The following CFAP99 variants were observed in gnomAD, a reference collection of about 807,000 sequenced individuals.
The protein encoded by CFAP99 is cilia- and flagella-associated protein 99.
A neutral mutation model predicts 82.7 loss-of-function variants in CFAP99; 84 were observed. The observed-to-expected ratio is 1.02, with a 90% confidence interval of 0.85 to 1.22. CFAP99 has a LOEUF of 1.22. Ranked by LOEUF, CFAP99 falls within the 50% of genes most tolerant of loss-of-function variation. The probability of loss-of-function intolerance (pLI) is 0.00; values close to 1 mark genes in which losing one functional copy is unlikely to be tolerated. For missense variants in CFAP99, 1,059 were observed against 983.5 expected, an observed-to-expected ratio of 1.08 and a Z score of -1.03; for synonymous variants, 456 against 429.5, an observed-to-expected ratio of 1.06 and a Z score of -0.76.
Position 2,462,795 on chromosome 4 carries a change from T to A in CFAP99, c.2014T>A (p.Phe672Ile). The stretch of plus-strand genomic sequence containing the variant: ...GGGCGTCCCTGCCCGCGCCGACGCG[T>A]TCCCCGGCCTGCAGGCGCAGCTAGA... The change falls in exon 15 of 15, where the codon TTC (phenylalanine) becomes ATC (isoleucine). Residue 672 changes from phenylalanine (F) to isoleucine (I), a missense_variant. Coordinates refer to ENST00000635017, the Ensembl canonical transcript of CFAP99. This position sits in a 1 kb window ranked among gnomAD's most constrained non-coding sequence, Gnocchi z 4.1. The A allele has an allele frequency of 7.7e-7, 1 of 1,297,590 alleles. No homozygotes were observed. Among genetic ancestry groups the A allele is most frequent in the Non-Finnish European group, 9.7e-7 (1 of 1,026,044 alleles). 80.4% of individuals were successfully genotyped at this position (1,297,590 alleles called of 1,614,324 possible).
chr4:2,439,784 A>G (rs948104958), intron 4 of CFAP99, among the ~76,000 whole-genome samples: 1 of 152,070 alleles, frequency 6.6e-6, no homozygotes, highest in African/African-American at 2.4e-5. Flanking sequence ...AACCCCAGAA[A>G]CCAGAAACCA....
chr4:2,458,210 G>T (rs1277912717), intron 11 of CFAP99, among the ~76,000 whole-genome samples: 1 of 152,162 alleles, frequency 6.6e-6, no homozygotes, highest in African/African-American at 2.4e-5. Flanking sequence ...GGGAATCTTG[G>T]TATTTTTTGG....
chr4:2,442,179 G>A lies in CFAP99; in HGVS notation c.352-951G>A, dbSNP rs151017865. Among the ~76,000 whole-genome samples, 1,017 of 152,254 alleles carry A rather than the reference G, an allele frequency of 6.7e-3. 13 individuals are homozygous for A. The highest frequency in any genetic ancestry group is 0.026 in the South Asian group (125 of 4,822). On this transcript the variant is annotated intron_variant, in intron 4 of 14. Transcript: ENST00000635017. ...TTGGAGATGGAGGGATTGGGTGGGG[G>A]CAGGGACCAGTGCTGAGTCTGTCCC...
At chr4:2,443,204 A>G (rs1203814) in exon 5 of CFAP99, 281,039 of 1,534,690 alleles carry the variant, frequency 0.18, 28,281 homozygotes, top group African/African-American at 0.32. Context: ...TCTACGAGCC[A>G]GCCCACGTGA....
rs552198113 is a variant in CFAP99, at chr4:2,449,265, C to T, written c.643-405C>T. ...CCCGACAGCTTACTTTGCAGGGGTC[C>T]GTGATATTCTCCCAGCCTCTCCTGC... On this transcript the variant is annotated intron_variant, in intron 6 of 14. Transcript: ENST00000635017. 8.5e-5 allele frequency among the ~76,000 whole-genome samples: 13 copies of T among 152,182 alleles called. No homozygotes were observed. In the East Asian group the frequency reaches 9.7e-4, roughly 11 times the overall value.
Position 2,426,561 on chromosome 4 carries a change from T to C in CFAP99, c.86T>C (p.Leu29Pro), listed in dbSNP as rs1449709096. ...AAGAGGGACAACCCTGAGCAGTTCC[T>C]GGAGGCTGCGGCCACCTCCCTGCAG... is the stretch of plus-strand genomic sequence containing the variant. The change falls in exon 2 of 15, where the codon CTG (leucine) becomes CCG (proline). Residue 29 changes from leucine (L) to proline (P), a missense_variant. Physicochemically the swap from Leu to Pro is moderately conservative, Grantham distance 98. Transcript: ENST00000635017. 3 of 1,535,834 alleles carry C rather than the reference T, an allele frequency of 2.0e-6. No individual in the cohort carries two copies. The East Asian group carries it at 7.3e-5, about 38-fold the overall frequency.
chr4:2,450,931 G>T lies in CFAP99; in HGVS notation c.796-16G>T. On this transcript the variant is annotated splice_polypyrimidine_tract_variant and intron_variant, in intron 8 of 14. Coordinates refer to ENST00000635017, the Ensembl canonical transcript of CFAP99. ...GCACAGGTGCCAGGCGGCCAGCTCT[G>T]CCCTGACTCCTGCAGGGCTCCAAGC... 1 of 1,535,768 alleles carries T rather than the reference G, an allele frequency of 6.5e-7. No homozygotes were observed. The highest frequency in any genetic ancestry group is 8.7e-7 in the Non-Finnish European group (1 of 1,146,644).
chr4:2,451,598 C>T (rs1734302857), intron 10 of CFAP99, among the ~76,000 whole-genome samples: 1 of 152,140 alleles, frequency 6.6e-6, no homozygotes, highest in African/African-American at 2.4e-5. Context: ...AAAGGCCCAA[C>T]CCACACCAAA....
chr4:2,459,096 T>C lies in CFAP99; in HGVS notation c.1304-11T>C. 1 of 1,503,198 alleles carries C rather than the reference T, an allele frequency of 6.7e-7. No homozygotes were observed. Among genetic ancestry groups the C allele is most frequent in the Non-Finnish European group, 8.9e-7 (1 of 1,128,796 alleles). 93.1% of individuals were successfully genotyped at this position (1,503,198 alleles called of 1,614,324 possible). A position where few individuals can be genotyped will look rare whatever the true frequency, so the allele number is the denominator to read the frequency against. On this transcript the variant is annotated splice_polypyrimidine_tract_variant and intron_variant, in intron 12 of 14. Transcript: ENST00000635017. Reference sequence around the variant, plus strand: ...CCACCAGCCACCTCAGCTCCTGGCTTGGCCCCCAAGTTCAGGAGGCGATCG... The same window carrying C: ...CCACCAGCCACCTCAGCTCCTGGCTCGGCCCCCAAGTTCAGGAGGCGATCG...
intron 6 of CFAP99, among the ~76,000 whole-genome samples, chr4:2,447,609 G>A (rs1004968711): frequency 1.3e-5 from 2 of 149,992 alleles, no homozygotes; most frequent in African/African-American, 2.5e-5. Context: ...ACATGGGTGA[G>A]TAGATGAATG....
intron 11 of CFAP99, among the ~76,000 whole-genome samples, chr4:2,453,673 T>G (rs1429393226): frequency 2.0e-5 from 3 of 152,168 alleles, no homozygotes; most frequent in African/African-American, 7.2e-5. Context: ...TTTGTGTCTA[T>G]TTCTGTGAAC....
intron 1 of CFAP99, among the ~76,000 whole-genome samples, chr4:2,423,818 CG>C (rs1345022661): frequency 6.6e-6 from 1 of 151,714 alleles, no homozygotes; most frequent in Non-Finnish European, 1.5e-5. Context: ...TCCCTTGCCC[CG>C]AATCATCAGG....
At chr4:2,450,802 T>C in intron 8 of CFAP99, 145 bp from the exon 9 acceptor site, 1 of 659,582 alleles carries the variant, frequency 1.5e-6, no homozygotes, top group East Asian at 2.8e-5. Context: ...CCTGGCGTGG[T>C]GGTAGGGATG....
At chr4:2,432,450 G>A (rs1733818222) in intron 2 of CFAP99, among the ~76,000 whole-genome samples, 1 of 152,242 alleles carries the variant, frequency 6.6e-6, no homozygotes, top group South Asian at 2.1e-4. Flanking sequence ...GTGCGGCCCT[G>A]CAGCCTCCGT....
chr4:2,433,942 G>A (rs553924082), intron 2 of CFAP99, among the ~76,000 whole-genome samples: 2 of 152,344 alleles, frequency 1.3e-5, no homozygotes, highest in African/African-American at 2.4e-5. Flanking sequence ...GAGGAAGGAC[G>A]CCTGACCCGA....
chr4:2,422,648 T>G (rs7692263), intron 1 of CFAP99, among the ~76,000 whole-genome samples: 1 of 151,940 alleles, frequency 6.6e-6, no homozygotes, highest in Non-Finnish European at 1.5e-5. Context: ...GGGGCCCTTT[T>G]CCTGGGTGTA....
At chr4:2,426,540 G>A in exon 2 of CFAP99, 1 of 1,536,028 alleles carries the variant, frequency 6.5e-7, no homozygotes, top group South Asian at 1.2e-5. Flanking sequence ...ACACCCAAGA[G>A]GGACAACCCT....
At chr4:2,441,402 A>G (rs1734035474) in intron 4 of CFAP99, among the ~76,000 whole-genome samples, 1 of 151,902 alleles carries the variant, frequency 6.6e-6, no homozygotes, top group Non-Finnish European at 1.5e-5. Context: ...TTGTTGAACA[A>G]AGATCCATGT....
Position 2,432,479 on chromosome 4 carries a change from T to C in CFAP99, c.112-4395T>C, listed in dbSNP as rs73074387. ...CCTCCGTTTCCTTTGCCTACTTTTCTAACTGACTTCAGGCTTTGCATTACT... is the reference window on the plus strand; with the variant it reads ...CCTCCGTTTCCTTTGCCTACTTTTCCAACTGACTTCAGGCTTTGCATTACT... On this transcript the variant is annotated intron_variant, in intron 2 of 14. Coordinates refer to ENST00000635017, the Ensembl canonical transcript of CFAP99. Among the ~76,000 whole-genome samples, 718 of 152,338 alleles carry C rather than the reference T, an allele frequency of 4.7e-3. 4 individuals are homozygous for C. Among genetic ancestry groups the C allele is most frequent in the African/African-American group, 0.016 (685 of 41,570 alleles).
Sources: allele counts gnomAD v4.1 joint callset (sites outside exome capture counted in the v4.1 genomes callset), GRCh38; gene constraint gnomAD v4.1.1; non-coding constraint Gnocchi (gnomAD v3.1); transcripts MANE v1.5; gene names NCBI Gene and HGNC (gene_info 2026-07-23, HGNC 2026-07-21).